PPM1L: variants seen among roughly 807,000 people sequenced by gnomAD.
PPM1L encodes protein phosphatase, Mg2+/Mn2+ dependent 1L, also known as protein phosphatase 1L.
In PPM1L, 13 loss-of-function variants were observed where a neutral mutation model predicts 31.4. The ratio of observed to expected loss-of-function variants is 0.41; its 90% CI spans 0.27 to 0.66. The LOEUF is 0.66. Ranked by LOEUF, PPM1L falls within the 30% of genes least tolerant of loss-of-function variation. PPM1L has a pLI of 0.29. For synonymous variants in PPM1L, 184 were observed against 175.4 expected (o/e 1.05, Z -0.39); for missense variants, 326 against 453.7 (o/e 0.72, Z 2.56).
chr3:161,046,233 A>G (rs1399624322), intron 2 of PPM1L, among the ~76,000 whole-genome samples: 4 of 151,970 alleles, frequency 2.6e-5, no homozygotes, highest in Non-Finnish European at 5.9e-5. Flanking sequence ...GCAAATAGAC[A>G]CAATAAAAAA....
At chr3:160,798,304 C>G (rs1222012523) in intron 1 of PPM1L, among the ~76,000 whole-genome samples, 1 of 152,202 alleles carries the variant, frequency 6.6e-6, no homozygotes, top group Non-Finnish European at 1.5e-5. Context: ...GCAAAACAGC[C>G]TTCCTGGAGG....
intron 2 of PPM1L, among the ~76,000 whole-genome samples, chr3:161,005,584 A>G (rs144611420): frequency 1.4e-4 from 22 of 152,284 alleles, no homozygotes; most frequent in Admixed American, 7.2e-4. Context: ...AATTCTGGCT[A>G]TCACTTACCA....
At chr3:160,891,266 A>G (rs1436913233) in intron 1 of PPM1L, among the ~76,000 whole-genome samples, 1 of 152,190 alleles carries the variant, frequency 6.6e-6, no homozygotes, top group African/African-American at 2.4e-5. Context: ...AAGGAGCTTA[A>G]ACAAATTTAC....
chr3:161,073,940 ATTGCTTT>A lies in PPM1L; in HGVS notation c.*4786_*4792del, dbSNP rs1301650992. On this transcript the variant is annotated 3_prime_UTR_variant, in exon 4 of 4. Coordinates refer to ENST00000498165, the MANE Select transcript of PPM1L (RefSeq NM_139245.4). Reference sequence around the variant, plus strand: ...CTCAAATTCATTCCAAGATCTTTCCATTGCTTTTTTGCAGTTACCTTTGCTTTTTGGG... The same window carrying A: ...CTCAAATTCATTCCAAGATCTTTCCATTTGCAGTTACCTTTGCTTTTTGGG... 2 of 152,082 alleles carry A rather than the reference ATTGCTTT, an allele frequency of 1.3e-5. No individual in the cohort carries two copies. The highest frequency in any genetic ancestry group is 2.9e-5 in the Non-Finnish European group (2 of 68,008). 9.4% of individuals were successfully genotyped at this position (152,082 alleles called of 1,614,324 possible).
In PPM1L at chr3:160,928,575, TGTTTGAA is replaced by T. The variant is rs1209724928; in HGVS notation, c.400-33160_400-33154del. Among the ~76,000 whole-genome samples, 18 of 152,322 alleles carry T rather than the reference TGTTTGAA, an allele frequency of 1.2e-4. No homozygotes were observed. The South Asian group carries it at 2.7e-3, about 23-fold the overall frequency. On this transcript the variant is annotated intron_variant, in intron 1 of 3. Transcript: ENST00000498165. ...TAGCATACAAAGAGTATCAGTGCTA[TGTTTGAA>T]TATTTATGTACTCACCACAGTTTGT... is the stretch of plus-strand genomic sequence containing the variant.
intron 1 of PPM1L, among the ~76,000 whole-genome samples, chr3:160,893,948 C>CT (rs1713244274): frequency 6.6e-6 from 1 of 152,134 alleles, no homozygotes; most frequent in African/African-American, 2.4e-5. Context: ...ATAGTCAACA[C>CT]TTTTTTATAA....
In PPM1L at chr3:160,970,289, C is replaced by T. The variant is rs538711564; in HGVS notation, c.574+8379C>T. ...AAACATAAGGCTTTTGTAATGCAGA[C>T]GATTACTAGCCATGTATAATAACAG... On this transcript the variant is annotated intron_variant, in intron 2 of 3. Transcript: ENST00000498165. 3.3e-4 allele frequency among the ~76,000 whole-genome samples: 50 copies of T among 152,078 alleles called. 1 individual carries two copies. The South Asian group carries it at 8.3e-3, about 25-fold the overall frequency.
chr3:160,962,591 CT>C (rs1716003768), intron 2 of PPM1L, among the ~76,000 whole-genome samples: 1 of 150,890 alleles, frequency 6.6e-6, no homozygotes, highest in Non-Finnish European at 1.5e-5. Flanking sequence ...CCACCTCCCC[CT>C]CTCAAAAAAA....
intron 1 of PPM1L, among the ~76,000 whole-genome samples, chr3:160,871,782 A>G (rs1443420441): frequency 2.1e-5 from 3 of 145,960 alleles, no homozygotes; most frequent in African/African-American, 5.1e-5. Context: ...CTTATTTTGT[A>G]TAATATTTAA....
chr3:160,982,309 G>T (rs955530981), intron 2 of PPM1L, among the ~76,000 whole-genome samples: 3 of 152,042 alleles, frequency 2.0e-5, no homozygotes, highest in African/African-American at 7.2e-5. Flanking sequence ...CTAACACTGT[G>T]CCTGGGCATC....
intron 2 of PPM1L, among the ~76,000 whole-genome samples, chr3:161,029,014 T>C (rs557533886): frequency 2.0e-5 from 3 of 152,338 alleles, no homozygotes; most frequent in East Asian, 3.9e-4. Context: ...TAAGCACTTA[T>C]GGTGAGCATA....
intron 2 of PPM1L, among the ~76,000 whole-genome samples, chr3:161,029,596 A>G (rs903011982): frequency 7.9e-5 from 12 of 152,214 alleles, no homozygotes; most frequent in Non-Finnish European, 1.2e-4. Flanking sequence ...AATAATCTCT[A>G]AAAGCACATT....
At chr3:160,852,282 G>T (rs2108114093) in intron 1 of PPM1L, among the ~76,000 whole-genome samples, 1 of 152,132 alleles carries the variant, frequency 6.6e-6, no homozygotes, top group African/African-American at 2.4e-5. Context: ...AGTTTTTCTT[G>T]TGCTGTCTTT....
chr3:160,914,179 G>T (rs1273242361), intron 1 of PPM1L, among the ~76,000 whole-genome samples: 2 of 152,092 alleles, frequency 1.3e-5, no homozygotes, highest in Non-Finnish European at 2.9e-5. Context: ...TTTCTTTGGT[G>T]ACTACTAATA....
At chr3:161,056,078 T>C (rs1719399890) in intron 2 of PPM1L, among the ~76,000 whole-genome samples, 1 of 152,148 alleles carries the variant, frequency 6.6e-6, no homozygotes, top group African/African-American at 2.4e-5. Context: ...TTTTAAATCA[T>C]ACCTGTGTGC....
intron 1 of PPM1L, among the ~76,000 whole-genome samples, chr3:160,792,564 G>A (rs1343187157): frequency 1.3e-5 from 2 of 152,092 alleles, no homozygotes; most frequent in South Asian, 4.1e-4. Flanking sequence ...ATTAACTAAA[G>A]TCCATACTTG....
At chr3:161,017,829 G>GA (rs1213619041) in intron 2 of PPM1L, among the ~76,000 whole-genome samples, 1 of 151,992 alleles carries the variant, frequency 6.6e-6, no homozygotes, top group African/African-American at 2.4e-5. Context: ...AAATACAGGG[G>GA]AAAAACAGAG....
At chr3:161,054,493 T>C (rs1719360294) in intron 2 of PPM1L, among the ~76,000 whole-genome samples, 1 of 152,082 alleles carries the variant, frequency 6.6e-6, no homozygotes, top group Non-Finnish European at 1.5e-5. Flanking sequence ...ACTGTGGTCA[T>C]TGTCGATTTA....
rs373732239 is a variant in PPM1L at position 160,986,805 on chromosome 3, T to C, written c.574+24895T>C. On this transcript the variant is annotated intron_variant, in intron 2 of 3. Coordinates refer to ENST00000498165, the MANE Select transcript of PPM1L (RefSeq NM_139245.4). ...CAGCTTTTCATTTTGTTATTCGTAATGTCATACAAATTTTTAGAGTTGCTG... is the reference window on the plus strand; with the variant it reads ...CAGCTTTTCATTTTGTTATTCGTAACGTCATACAAATTTTTAGAGTTGCTG... 4.6e-5 allele frequency among the ~76,000 whole-genome samples: 7 copies of C among 152,352 alleles called. No homozygotes were observed. The East Asian group carries it at 1.2e-3, about 25-fold the overall frequency.
Sources: gnomAD v4.1 joint callset for allele counts (sites outside exome capture counted in the v4.1 genomes callset) on GRCh38, gnomAD v4.1.1 for gene constraint, MANE v1.5 for transcripts, NCBI Gene and HGNC (gene_info 2026-07-23, HGNC 2026-07-21) for gene names.